HLA-DMB: variants seen among roughly 807,000 people sequenced by gnomAD.
HLA-DMB encodes the protein major histocompatibility complex, class II, DM beta.
In HLA-DMB, 18 loss-of-function variants were observed where a neutral mutation model predicts 29.3. The observed-to-expected ratio is 0.62, with a 90% CI of 0.43 to 0.91. The LOEUF is 0.91. Among genes scored for constraint, HLA-DMB ranks in the 40% least tolerant of loss-of-function variants. The pLI, the probability that HLA-DMB is intolerant of heterozygous loss-of-function variation, is 0.00. For missense variants in HLA-DMB, 258 were observed against 320.9 expected, an observed-to-expected ratio of 0.80 and a Z score of 1.50; for synonymous variants, 143 against 128.7, an observed-to-expected ratio of 1.11 and a Z score of -0.75.
In HLA-DMB at chr6:32,935,459, G is replaced by A. The variant is rs578046857; in HGVS notation, c.739+77C>T. 2.7e-6 allele frequency: 4 copies of A among 1,508,460 alleles called. No homozygotes were observed. The South Asian group carries it at 4.5e-5, about 17-fold the overall frequency. The allele number at this position is 1,508,460 out of a possible 1,614,324, so 93.4% of individuals were successfully genotyped here. A position where few individuals can be genotyped will look rare whatever the true frequency, so the allele number is the denominator to read the frequency against. ...TATTCATAGCAAATGCAGTAGGAAG[G>A]AGAGAGTTAATCACAAACAGAAAGT... is the stretch of plus-strand genomic sequence containing the variant. On this transcript the variant is annotated intron_variant, in intron 4 of 5. Coordinates refer to ENST00000418107, the MANE Select transcript of HLA-DMB (RefSeq NM_002118.5).
At position 32,934,821 on chromosome 6, in the gene HLA-DMB, A is replaced by G. The variant is rs945821540; in HGVS notation, c.*150T>C. 1.7e-5 allele frequency: 14 copies of G among 813,466 alleles called. No individual in the cohort carries two copies. The highest frequency in any genetic ancestry group is 5.1e-5 in the African/African-American group (3 of 58,388). 50.4% of individuals were successfully genotyped at this position (813,466 alleles called of 1,614,324 possible). On this transcript the variant is annotated 3_prime_UTR_variant, in exon 6 of 6. Transcript: ENST00000418107. ...GGTCCCCCAAGTTGCTAAGTTTTAC[A>G]TAGGGGAGACTGGGAAATTCAAAGA... is the stretch of plus-strand genomic sequence containing the variant.
At chr6:32,935,252 T>C (rs964092105) in intron 5 of HLA-DMB, 90 bp downstream of exon 5, 3 of 1,059,692 alleles carry the variant, frequency 2.8e-6, no homozygotes, top group Non-Finnish European at 2.9e-6. Context: ...ACCCATATAA[T>C]AATCAAGATT....
At position 32,938,949 on chromosome 6, in the gene HLA-DMB, A is replaced by G. The variant is rs972335046; in HGVS notation, c.72T>C (p.His24=). The G allele has an allele frequency of 6.3e-7, 1 of 1,575,908 alleles. No individual in the cohort carries two copies. The highest frequency in any genetic ancestry group is 8.6e-7 in the Non-Finnish European group (1 of 1,160,478). ...CATCCAACAGACAGGTGCTTTCCAC[A>G]TGGGCCACGAAGCCACCTAGAGGAG... The part of the protein sequence containing the change: ...GCTGAGGFVA[H]VESTCLLDDA... Residue 24 remains histidine, a synonymous_variant, in exon 2 of 6, where the codon CAT becomes CAC. Coordinates refer to ENST00000418107, the MANE Select transcript of HLA-DMB (RefSeq NM_002118.5).
rs751281050 is a variant in HLA-DMB at position 32,938,639 on chromosome 6, C to T, written c.337+45G>A. On this transcript the variant is annotated intron_variant, in intron 2 of 5. Coordinates refer to ENST00000418107, the MANE Select transcript of HLA-DMB (RefSeq NM_002118.5). ...GTGGGATCCTCCCTGGCCTGCCCTC[C>T]TAACTGCACTTCCTGGTAGCCCCTC... is the stretch of plus-strand genomic sequence containing the variant. The T allele has an allele frequency of 2.8e-6, 4 of 1,438,738 alleles. No individual in the cohort carries two copies. The African/African-American group carries it at 5.9e-5, about 21-fold the overall frequency. 89.1% of individuals were successfully genotyped at this position (1,438,738 alleles called of 1,614,324 possible).
At chr6:32,940,541 T>C (rs1776294873) in intron 1 of HLA-DMB, among the ~76,000 whole-genome samples, 1 of 152,196 alleles carries the variant, frequency 6.6e-6, no homozygotes, top group Non-Finnish European at 1.5e-5. Context: ...AAGATGAACA[T>C]TGTCCTTGCC....
chr6:32,939,200 G>C (rs1776203098), intron 1 of HLA-DMB, among the ~76,000 whole-genome samples: 1 of 152,074 alleles, frequency 6.6e-6, no homozygotes, highest in Non-Finnish European at 1.5e-5. Context: ...AGGTACTCTT[G>C]GTGGGCTCCT....
In HLA-DMB at chr6:32,934,731, A is replaced by G; in HGVS notation, c.*240T>C. Reference sequence around the variant, plus strand: ...GAGGGTCTTTAACTCCCTTCCTCAGATTATATTCATCCCAGAAATATAGCC... The same window carrying G: ...GAGGGTCTTTAACTCCCTTCCTCAGGTTATATTCATCCCAGAAATATAGCC... On this transcript the variant is annotated 3_prime_UTR_variant, in exon 6 of 6. Coordinates refer to ENST00000418107, the MANE Select transcript of HLA-DMB (RefSeq NM_002118.5). 1.7e-6 allele frequency: 1 copy of G among 582,294 alleles called. No homozygotes were observed. Among genetic ancestry groups the G allele is most frequent in the East Asian group, 2.8e-5 (1 of 35,292 alleles). The allele number at this position is 582,294 out of a possible 1,614,324, so 36.1% of individuals were successfully genotyped here.
At position 32,938,683 on chromosome 6, in the gene HLA-DMB, C is replaced by T. The variant is rs1271851768; in HGVS notation, c.337+1G>A. The T allele has an allele frequency of 7.3e-6, 11 of 1,505,788 alleles. No homozygotes were observed. Among genetic ancestry groups the T allele is most frequent in the Middle Eastern group, 1.8e-4 (1 of 5,656 alleles). 93.3% of individuals were successfully genotyped at this position (1,505,788 alleles called of 1,614,324 possible). A position where few individuals can be genotyped will look rare whatever the true frequency, so the allele number is the denominator to read the frequency against. On this transcript the variant is annotated splice_donor_variant, in intron 2 of 5. Transcript: ENST00000418107. LOFTEE classifies it high-confidence loss of function. ...GCCCCTCTGCACCCCTCTCTCCTCACGTGTCCTGTTGGTCAGTGATCCCCA... is the reference window on the plus strand; with the variant it reads ...GCCCCTCTGCACCCCTCTCTCCTCATGTGTCCTGTTGGTCAGTGATCCCCA...
At chr6:32,939,141 C>T (rs1016251929) in intron 1 of HLA-DMB, among the ~76,000 whole-genome samples, 176 bp from the exon 2 acceptor site, 4 of 152,104 alleles carry the variant, frequency 2.6e-5, no homozygotes, top group Non-Finnish European at 5.9e-5. Flanking sequence ...CATAGAGTGC[C>T]TAATCGCTTA....
At chr6:32,939,004 C>G in intron 1 of HLA-DMB, 39 bp from the exon 2 acceptor site, 1 of 1,301,404 alleles carries the variant, frequency 7.7e-7, no homozygotes, top group Non-Finnish European at 1.0e-6. Context: ...TCAATGTCTT[C>G]TACTGGCCTG....
Position 32,937,538 on chromosome 6 carries a change from C to A in HLA-DMB, c.338-82G>T. ...CAACCTGGTTTCTTCCCTATCGCAA[C>A]TCTTCGTAGATTTTGCAACCCACTT... On this transcript the variant is annotated intron_variant, in intron 2 of 5. Transcript: ENST00000418107. The surrounding 1 kb of genome is among the most constrained non-coding windows in gnomAD (Gnocchi z 4.1). 2 of 1,422,956 alleles carry A rather than the reference C, an allele frequency of 1.4e-6. No individual in the cohort carries two copies. The highest frequency in any genetic ancestry group is 2.8e-5 in the African/African-American group (2 of 70,612). 88.1% of individuals were successfully genotyped at this position (1,422,956 alleles called of 1,614,324 possible).
chr6:32,938,929 A>C lies in HLA-DMB; in HGVS notation c.92T>G (p.Leu31Trp). The change falls in exon 2 of 6, where the codon TTG becomes TGG. Residue 31 changes from leucine (L) to tryptophan (W), a missense_variant. By Grantham distance (61) the Leu-to-Trp change is moderately conservative. Transcript: ENST00000418107. ...ATCCTTTGGAGTCCCAGCATCATCC[A>C]ACAGACAGGTGCTTTCCACATGGGC... The part of the protein sequence containing the change: ...FVAHVESTCL[L>W]DDAGTPKDFT... The C allele has an allele frequency of 6.3e-7, 1 of 1,599,312 alleles. No individual in the cohort carries two copies. Among genetic ancestry groups the C allele is most frequent in the South Asian group, 1.1e-5 (1 of 89,390 alleles).
At position 32,935,635 on chromosome 6, in the gene HLA-DMB, T is replaced by G; in HGVS notation, c.640A>C (p.Met214Leu). The G allele has an allele frequency of 6.2e-7, 1 of 1,612,486 alleles. No individual in the cohort carries two copies. Among genetic ancestry groups the G allele is most frequent in the Non-Finnish European group, 8.5e-7 (1 of 1,179,718 alleles). ...GACACAGAAACCTTCAGGGTCTGCA[T>G]GGGGGACAGCCCAGGTGCTGCAAAA... ...LRDWTPGLSP[M>L]QTLKVSVSAV... is the part of the protein sequence containing the mutation. The change falls in exon 4 of 6, where the codon ATG becomes CTG. Residue 214 changes from methionine (M) to leucine (L), a missense_variant. Met to Leu is a conservative substitution (Grantham distance 15). Transcript: ENST00000418107.
intron 3 of HLA-DMB, chr6:32,935,857 G>A (rs1283904043): frequency 1.7e-6 from 1 of 592,710 alleles, no homozygotes; most frequent in Non-Finnish European, 3.0e-6. Flanking sequence ...TAAGCCTGGG[G>A]AACCCATCTC....
At position 32,938,957 on chromosome 6, in the gene HLA-DMB, C is replaced by T. The variant is rs771718349; in HGVS notation, c.64G>A (p.Val22Met). Residue 22 changes from valine (V) to methionine (M), a missense_variant, in exon 2 of 6, where the codon GTG becomes ATG. Val to Met is a conservative substitution (Grantham distance 21). Coordinates refer to ENST00000418107, the MANE Select transcript of HLA-DMB (RefSeq NM_002118.5). Reference protein sequence around the residue: ...SLGCTGAGGFVAHVESTCLLD... With the variant: ...SLGCTGAGGFMAHVESTCLLD... ...AGACAGGTGCTTTCCACATGGGCCA[C>T]GAAGCCACCTAGAGGAGCCAGGGAA... 20 of 1,559,242 alleles carry T rather than the reference C, an allele frequency of 1.3e-5. No individual in the cohort carries two copies. Among genetic ancestry groups the T allele is most frequent in the South Asian group, 4.7e-5 (4 of 84,528 alleles).
chr6:32,935,998 C>A, intron 3 of HLA-DMB: 1 of 289,486 alleles, frequency 3.5e-6, no homozygotes, highest in Non-Finnish European at 6.5e-6. Flanking sequence ...TCTCCATTGC[C>A]CCCACGGTAA....
rs1434525227 is a variant in HLA-DMB, at chr6:32,937,817, T to C, written c.338-361A>G. On this transcript the variant is annotated intron_variant, in intron 2 of 5. Coordinates refer to ENST00000418107, the MANE Select transcript of HLA-DMB (RefSeq NM_002118.5). This position sits in a 1 kb window ranked among gnomAD's most constrained non-coding sequence, Gnocchi z 4.1. ...GCTAAGAGTAATCCAGAGTTGTACATTGGGTTTTTTTAAGGTGGAAAAGGA... is the reference window on the plus strand; with the variant it reads ...GCTAAGAGTAATCCAGAGTTGTACACTGGGTTTTTTTAAGGTGGAAAAGGA... 6 of 229,082 alleles carry C rather than the reference T, an allele frequency of 2.6e-5. No individual in the cohort carries two copies. The highest frequency in any genetic ancestry group is 8.8e-5 in the East Asian group (1 of 11,322). 14.2% of individuals were successfully genotyped at this position (229,082 alleles called of 1,614,324 possible). A position where few individuals can be genotyped will look rare whatever the true frequency, so the allele number is the denominator to read the frequency against.
chr6:32,939,989 A>G (rs928090019), intron 1 of HLA-DMB, among the ~76,000 whole-genome samples: 11 of 151,958 alleles, frequency 7.2e-5, no homozygotes, highest in African/African-American at 2.4e-4. Flanking sequence ...TAATGTCACA[A>G]TGGAATTGAA....
Position 32,938,711 on chromosome 6 carries a change from A to AG in HLA-DMB, c.309dup (p.Phe104LeufsTer23). 6.5e-7 allele frequency: 1 copy of AG among 1,540,356 alleles called. No individual in the cohort carries two copies. The highest frequency in any genetic ancestry group is 8.8e-7 in the Non-Finnish European group (1 of 1,140,588). On this transcript the variant is annotated frameshift_variant, in exon 2 of 6. Coordinates refer to ENST00000418107, the MANE Select transcript of HLA-DMB (RefSeq NM_002118.5). LOFTEE classifies it high-confidence loss of function. ...GTCCTGTTGGTCAGTGATCCCCAGA[A>AG]GGGCTGGGTGTGTGTGGCACAATTC...
Sources: gnomAD v4.1 joint callset for allele counts (sites outside exome capture counted in the v4.1 genomes callset) on GRCh38, gnomAD v4.1.1 for gene constraint, Gnocchi (gnomAD v3.1) non-coding constraint, MANE v1.5 for transcripts, NCBI Gene and HGNC (gene_info 2026-07-23, HGNC 2026-07-21) for gene names.